CELF2: variants seen among roughly 807,000 people sequenced by gnomAD.
CELF2 encodes the protein CUGBP Elav-like family member 2.
CELF2 carries 8 observed loss-of-function variants against 62.6 expected under a neutral mutation model. That is an observed-to-expected ratio of 0.13 (90% CI 0.07 to 0.23). The LOEUF (loss-of-function observed/expected upper bound fraction) is 0.23. Ranked by LOEUF, CELF2 falls within the 10% of genes least tolerant of loss-of-function variation. CELF2 has a pLI of 1.00. For missense variants in CELF2, 333 were observed against 671.0 expected, an observed-to-expected ratio of 0.50 and a Z score of 5.56; for synonymous variants, 258 against 250.0, an observed-to-expected ratio of 1.03 and a Z score of -0.30.
chr10:11,234,622 C>T (rs2136544442), intron 3 of CELF2, among the ~76,000 whole-genome samples: 1 of 135,588 alleles, frequency 7.4e-6, no homozygotes, highest in Non-Finnish European at 1.5e-5. Flanking sequence ...GCGGAGCCTG[C>T]AGTGAGCCGA....
chr10:11,161,117 T>C (rs1243816395), intron 1 of CELF2, among the ~76,000 whole-genome samples: 3 of 152,218 alleles, frequency 2.0e-5, no homozygotes, highest in East Asian at 1.9e-4. Context: ...TCCTCTAAAA[T>C]AGGGAAGTAG....
At chr10:10,576,002 C>T in the CELF2 span, among the ~76,000 whole-genome samples, 1 of 152,190 alleles carries the variant, frequency 6.6e-6, no homozygotes, top group Non-Finnish European at 1.5e-5. Context: ...GACATTTTAG[C>T]AGTCTCATGG....
rs898215159 is a variant in CELF2, at chr10:11,217,741, T to G, written c.354+234T>G. 5.9e-5 allele frequency among the ~76,000 whole-genome samples: 9 copies of G among 151,828 alleles called. No homozygotes were observed. Among genetic ancestry groups the G allele is most frequent in the African/African-American group, 1.9e-4 (8 of 41,282 alleles). On this transcript the variant is annotated intron_variant, in intron 3 of 12. Transcript: ENST00000633077. This position sits in a 1 kb window ranked among gnomAD's most constrained non-coding sequence, Gnocchi z 5.6. ...AATAGTGCATCCCCTGGTTAGAAAA[T>G]CAGAGTGACCCCACTGGGCAGCCAC...
intron 2 of CELF2, among the ~76,000 whole-genome samples, chr10:10,955,895 C>T (rs746952512): frequency 9.8e-5 from 15 of 152,296 alleles, no homozygotes; most frequent in South Asian, 2.1e-4. Context: ...AGAGGCAAAG[C>T]GACTTGCTAG....
chr10:10,575,502 A>G, the CELF2 span, among the ~76,000 whole-genome samples: 2 of 152,196 alleles, frequency 1.3e-5, no homozygotes, highest in African/African-American at 4.8e-5. Context: ...AGTGTGTTTT[A>G]TGCAACATGT....
intron 1 of CELF2, among the ~76,000 whole-genome samples, chr10:10,830,274 T>G (rs1347018643): frequency 8.2e-6 from 1 of 122,164 alleles, no homozygotes; most frequent in African/African-American, 3.6e-5. Flanking sequence ...GCCATGGAGT[T>G]CCTTTAAAAA....
At chr10:10,785,213 A>G in the CELF2 span, among the ~76,000 whole-genome samples, 6 of 152,130 alleles carry the variant, frequency 3.9e-5, no homozygotes, top group Admixed American at 3.9e-4. Flanking sequence ...CCCACCCTTT[A>G]CATCAGCATC....
At chr10:10,462,774 A>G in the CELF2 span, among the ~76,000 whole-genome samples, 1 of 151,910 alleles carries the variant, frequency 6.6e-6, no homozygotes, top group Non-Finnish European at 1.5e-5. Context: ...CATACTTATA[A>G]TGGTTAATAA....
chr10:10,881,006 T>A (rs2061404412), intron 1 of CELF2, among the ~76,000 whole-genome samples: 1 of 152,180 alleles, frequency 6.6e-6, no homozygotes, highest in Non-Finnish European at 1.5e-5. Flanking sequence ...ACCTTCTTCA[T>A]GTCACATGGA....
chr10:10,803,349 C>T (rs2054863622), intron 1 of CELF2, among the ~76,000 whole-genome samples: 1 of 152,244 alleles, frequency 6.6e-6, no homozygotes, highest in Admixed American at 6.5e-5. Flanking sequence ...GCCTAAATCT[C>T]CTCCCTCTCT....
upstream of CELF2, among the ~76,000 whole-genome samples, chr10:10,794,195 C>T (rs1213650323): frequency 1.3e-5 from 2 of 152,102 alleles, no homozygotes; most frequent in Non-Finnish European, 2.9e-5. Flanking sequence ...GGTTTTTTAG[C>T]TCGCTCCATC....
At chr10:11,327,427 A>C (rs1168845901) in intron 12 of CELF2, among the ~76,000 whole-genome samples, 2 of 152,210 alleles carry the variant, frequency 1.3e-5, no homozygotes. Flanking sequence ...CATAGCTGTT[A>C]GTGTCAGCAG....
At chr10:10,869,524 C>T (rs1200436445) in intron 1 of CELF2, among the ~76,000 whole-genome samples, 1 of 151,986 alleles carries the variant, frequency 6.6e-6, no homozygotes, top group Non-Finnish European at 1.5e-5. Context: ...ATCACCACCC[C>T]ACTGCACTCC....
chr10:11,234,090 G>C (rs769161215), intron 3 of CELF2, among the ~76,000 whole-genome samples: 2 of 152,226 alleles, frequency 1.3e-5, no homozygotes, highest in Non-Finnish European at 2.9e-5. Context: ...CTGTGTCCCA[G>C]CTGTATGATA....
the CELF2 span, among the ~76,000 whole-genome samples, chr10:10,526,604 C>T: frequency 1.3e-5 from 2 of 152,322 alleles, no homozygotes; most frequent in African/African-American, 4.8e-5. Context: ...CTCAAGTCAA[C>T]AGCCAACAGG....
At position 11,058,632 on chromosome 10, in the gene CELF2, A is replaced by G. The variant is rs570154252; in HGVS notation, c.74+40469A>G. 2.6e-5 allele frequency among the ~76,000 whole-genome samples: 4 copies of G among 151,670 alleles called. 1 individual carries two copies. The South Asian group carries it at 8.4e-4, about 32-fold the overall frequency. On this transcript the variant is annotated intron_variant, in intron 1 of 12. Coordinates refer to ENST00000633077, the MANE Select transcript of CELF2 (RefSeq NM_001326342.2). Reference sequence around the variant, plus strand: ...CAGGCATGCACCACCACACCTGGCTAATTTTTGTATTTTTAGTAAAAGAAG... The same window carrying G: ...CAGGCATGCACCACCACACCTGGCTGATTTTTGTATTTTTAGTAAAAGAAG...
At chr10:10,847,304 A>G (rs1348489185) in intron 1 of CELF2, among the ~76,000 whole-genome samples, 1 of 152,196 alleles carries the variant, frequency 6.6e-6, no homozygotes, top group Admixed American at 6.5e-5. Context: ...TGTCTCAAAG[A>G]TAATTTTAGA....
chr10:11,018,165 T>C lies in CELF2; in HGVS notation c.74+2T>C. ...CCGCCTGCTCGTTCCTGACAGAATG[T>C]GAGTGGCGCCGCGTCCCGAGGCCGG... On this transcript the variant is annotated splice_donor_variant, in intron 1 of 12. Transcript: ENST00000633077. LOFTEE classifies it high-confidence loss of function. The C allele has an allele frequency of 6.6e-7, 1 of 1,518,432 alleles. No individual in the cohort carries two copies. The highest frequency in any genetic ancestry group is 2.9e-5 in the East Asian group (1 of 34,688). The allele number at this position is 1,518,432 out of a possible 1,614,324, so 94.1% of individuals were successfully genotyped here.
the CELF2 span, among the ~76,000 whole-genome samples, chr10:10,616,808 G>A: frequency 6.6e-6 from 1 of 151,642 alleles, no homozygotes; most frequent in South Asian, 2.1e-4. Flanking sequence ...CTGCAGGCTC[G>A]AACTCCTGGG....
Sources: allele counts gnomAD v4.1 joint callset (sites outside exome capture counted in the v4.1 genomes callset), GRCh38; gene constraint gnomAD v4.1.1; non-coding constraint Gnocchi (gnomAD v3.1); transcripts MANE v1.5; gene names NCBI Gene and HGNC (gene_info 2026-07-23, HGNC 2026-07-21).